SNAPC1: variants seen among roughly 807,000 people sequenced by gnomAD.
SNAPC1 encodes small nuclear RNA activating complex polypeptide 1, also known as snRNA-activating protein complex subunit 1.
In SNAPC1, 42 loss-of-function variants were observed where a neutral mutation model predicts 50.1. The ratio of observed to expected loss-of-function variants is 0.84; its 90% CI spans 0.65 to 1.08. The LOEUF is 1.08. Ranked by LOEUF, SNAPC1 falls within the 50% of genes least tolerant of loss-of-function variation. The pLI is 0.00. For missense variants in SNAPC1, 477 were observed against 427.3 expected (o/e 1.12, Z -1.02); for synonymous variants, 164 against 144.2 (o/e 1.14, Z -0.98).
chr14:61,765,783 T>C (rs147816827), intron 1 of SNAPC1, among the ~76,000 whole-genome samples: 53 of 152,348 alleles, frequency 3.5e-4, no homozygotes, highest in Non-Finnish European at 6.0e-4. Flanking sequence ...CAAAGCCTTG[T>C]TGCTCTCTTG....
chr14:61,781,791 C>A (rs541160301), intron 7 of SNAPC1, among the ~76,000 whole-genome samples: 5 of 152,270 alleles, frequency 3.3e-5, no homozygotes, highest in African/African-American at 1.2e-4. Flanking sequence ...TACCACATAC[C>A]CCGCCTGCTT....
At chr14:61,767,834 C>T (rs1005795504) in intron 3 of SNAPC1, among the ~76,000 whole-genome samples, 4 of 152,110 alleles carry the variant, frequency 2.6e-5, no homozygotes, top group African/African-American at 9.7e-5. Flanking sequence ...GGCTGGAGTA[C>T]AGTGGTGCTA....
intron 4 of SNAPC1, among the ~76,000 whole-genome samples, chr14:61,771,013 A>G (rs997875804): frequency 2.0e-5 from 3 of 152,136 alleles, no homozygotes. Flanking sequence ...AAGTACTGCA[A>G]TTACAGACAT....
chr14:61,789,133 A>G (rs2045134816), intron 8 of SNAPC1, among the ~76,000 whole-genome samples: 1 of 151,192 alleles, frequency 6.6e-6, no homozygotes, highest in South Asian at 2.1e-4. Flanking sequence ...TGGGAGTCTG[A>G]GGCAGGAGAA....
chr14:61,786,979 A>T (rs2045119121), intron 8 of SNAPC1, among the ~76,000 whole-genome samples: 1 of 152,380 alleles, frequency 6.6e-6, no homozygotes, highest in East Asian at 1.9e-4. Context: ...GCTATCATAC[A>T]TCTAACAACA....
intron 4 of SNAPC1, among the ~76,000 whole-genome samples, chr14:61,772,254 AT>A (rs911370700): frequency 1.3e-5 from 2 of 150,986 alleles, no homozygotes; most frequent in Non-Finnish European, 3.0e-5. Context: ...ATGCTGGCTA[AT>A]TTTTTTTTCC....
intron 1 of SNAPC1, among the ~76,000 whole-genome samples, chr14:61,763,369 T>G (rs2044922628): frequency 6.6e-6 from 1 of 152,138 alleles, no homozygotes; most frequent in Admixed American, 6.5e-5. Context: ...CCATTGCCTT[T>G]GGGATAACGC....
Position 61,778,075 on chromosome 14 carries a change from C to G in SNAPC1, c.697C>G (p.Pro233Ala). The G allele has an allele frequency of 6.4e-7, 1 of 1,571,806 alleles. No individual in the cohort carries two copies. Among genetic ancestry groups the G allele is most frequent in the Non-Finnish European group, 8.7e-7 (1 of 1,148,750 alleles). The stretch of plus-strand genomic sequence containing the variant: ...TGTATCTTTTTTGCTCTTTTAGAAT[C>G]CATCCTTAAAGTCAAAAACTAATGA... Reference protein sequence around the residue: ...HQQWHKDRKNPSLKSKTNDGE... With the variant: ...HQQWHKDRKNASLKSKTNDGE... The change falls in exon 6 of 10, where the codon CCA becomes GCA. Residue 233 changes from proline (P) to alanine (A), a missense_variant. By Grantham distance (27) the Pro-to-Ala change is conservative. Coordinates refer to ENST00000216294, the MANE Select transcript of SNAPC1 (RefSeq NM_003082.4).
Position 61,790,907 on chromosome 14 carries a change from A to AC in SNAPC1, c.977-1896dup, listed in dbSNP as rs540787923. 1.5e-3 allele frequency among the ~76,000 whole-genome samples: 231 copies of AC among 152,294 alleles called. 1 individual carries two copies. The highest frequency in any genetic ancestry group is 5.1e-3 in the African/African-American group (210 of 41,556). ...GTAGTGGTCTATTACTGATCATTGC[A>AC]CCCCACACATTTAGCTTTGAGCATA... On this transcript the variant is annotated intron_variant, in intron 8 of 9. Transcript: ENST00000216294.
intron 8 of SNAPC1, among the ~76,000 whole-genome samples, chr14:61,787,445 T>G (rs1322476210): frequency 1.3e-5 from 2 of 152,120 alleles, no homozygotes; most frequent in Non-Finnish European, 2.9e-5. Context: ...TAAAGGAGTT[T>G]AATTGAGCAG....
In SNAPC1 at chr14:61,784,090, C is replaced by T. The variant is rs555807122; in HGVS notation, c.976+1693C>T. ...GAAGTTAAATACCTTTAATATGTCCCAGATATGATTAAGTCGTGTAACAGT... is the reference window on the plus strand; with the variant it reads ...GAAGTTAAATACCTTTAATATGTCCTAGATATGATTAAGTCGTGTAACAGT... On this transcript the variant is annotated intron_variant, in intron 8 of 9. Coordinates refer to ENST00000216294, the MANE Select transcript of SNAPC1 (RefSeq NM_003082.4). 1.2e-4 allele frequency among the ~76,000 whole-genome samples: 18 copies of T among 150,096 alleles called. No homozygotes were observed. In the South Asian group the frequency reaches 3.7e-3, roughly 31 times the overall value.
At chr14:61,762,719 T>A in intron 1 of SNAPC1, 131 bp downstream of exon 1, 1 of 961,258 alleles carries the variant, frequency 1.0e-6, no homozygotes, top group Non-Finnish European at 1.6e-6. Flanking sequence ...CCTCCATGAC[T>A]CCTGGACCTT....
chr14:61,779,510 C>T (rs1468979863), intron 7 of SNAPC1, among the ~76,000 whole-genome samples: 1 of 151,668 alleles, frequency 6.6e-6, no homozygotes. Context: ...AAAAAATTTC[C>T]CCTGATATTT....
chr14:61,765,852 C>T (rs2044944059), intron 1 of SNAPC1, among the ~76,000 whole-genome samples: 1 of 152,162 alleles, frequency 6.6e-6, no homozygotes, highest in Admixed American at 6.5e-5. Flanking sequence ...CTTCCTCCTC[C>T]TTTCTTCTGA....
At chr14:61,785,525 T>A (rs886174428) in intron 8 of SNAPC1, among the ~76,000 whole-genome samples, 1 of 152,198 alleles carries the variant, frequency 6.6e-6, no homozygotes, top group Non-Finnish European at 1.5e-5. Context: ...TTAGAAAGTT[T>A]ATTTTGCCTG....
intron 8 of SNAPC1, among the ~76,000 whole-genome samples, chr14:61,789,958 G>C (rs1325337109): frequency 1.3e-5 from 2 of 152,184 alleles, no homozygotes; most frequent in Non-Finnish European, 2.9e-5. Flanking sequence ...TAACGAGCGT[G>C]TGCCACATGG....
At position 61,764,764 on chromosome 14, in the gene SNAPC1, A is replaced by C. The variant is rs557005411; in HGVS notation, c.129-2112A>C. Among the ~76,000 whole-genome samples, 22 of 152,344 alleles carry C rather than the reference A, an allele frequency of 1.4e-4. No individual in the cohort carries two copies. The South Asian group carries it at 1.5e-3, about 10-fold the overall frequency. The stretch of plus-strand genomic sequence containing the variant: ...ACCTAAAATGATAAAAGAAGCAGGA[A>C]TCACTAGAGTGGTGGATTTTCTTGA... On this transcript the variant is annotated intron_variant, in intron 1 of 9. Transcript: ENST00000216294.
At chr14:61,766,840 T>C in intron 1 of SNAPC1, 36 bp from the exon 2 acceptor site, 1 of 1,373,568 alleles carries the variant, frequency 7.3e-7, no homozygotes, top group Admixed American at 1.8e-5. Flanking sequence ...CTTATTCACT[T>C]AATGAGTCGT....
intron 4 of SNAPC1, among the ~76,000 whole-genome samples, chr14:61,773,397 G>GTTTTTT (rs58782943): frequency 1.4e-4 from 14 of 99,292 alleles, no homozygotes; most frequent in East Asian, 3.0e-4. Flanking sequence ...TATTTCCTTA[G>GTTTTTT]TTTTTTTTTT....
Sources: allele counts gnomAD v4.1 joint callset (sites outside exome capture counted in the v4.1 genomes callset), GRCh38; gene constraint gnomAD v4.1.1; transcripts MANE v1.5; gene names NCBI Gene and HGNC (gene_info 2026-07-23, HGNC 2026-07-21).